The following NEK7 variants were observed in gnomAD, a reference collection of about 807,000 sequenced individuals.
NEK7 encodes the protein serine/threonine-protein kinase Nek7.
A neutral mutation model predicts 44.6 loss-of-function variants in NEK7; 18 were observed. The observed-to-expected ratio is 0.40, with a 90% CI of 0.28 to 0.60. The LOEUF is 0.60. NEK7 is among the 20% of genes least tolerant of loss of function. The probability of loss-of-function intolerance (pLI) is 0.38; values close to 1 mark genes in which losing one functional copy is unlikely to be tolerated. For synonymous variants in NEK7, 130 were observed against 121.1 expected, an observed-to-expected ratio of 1.07 and a Z score of -0.48; for missense variants, 256 against 366.5, an observed-to-expected ratio of 0.70 and a Z score of 2.46.
intron 1 of NEK7, among the ~76,000 whole-genome samples, chr1:198,165,157 C>G (rs1310623195): frequency 6.6e-6 from 1 of 152,228 alleles, no homozygotes; most frequent in African/African-American, 2.4e-5. Context: ...TGACTTCCTT[C>G]ACTGAAATCT....
chr1:198,170,736 C>T (rs1664411636), intron 1 of NEK7, among the ~76,000 whole-genome samples: 1 of 152,078 alleles, frequency 6.6e-6, no homozygotes. Flanking sequence ...AATGATTGAA[C>T]CTCTTTTCTC....
Position 198,253,105 on chromosome 1 carries a change from T to G in NEK7, c.123T>G (p.Gly41=), listed in dbSNP as rs1271180487. The part of the protein sequence containing the change: ...LANFRIEKKI[G]RGQFSEVYRA... ...ACTTTCGAATAGAAAAGAAAATTGGTCGCGGACAATTTAGTGAAGTTTATA... is the reference window on the plus strand; with the variant it reads ...ACTTTCGAATAGAAAAGAAAATTGGGCGCGGACAATTTAGTGAAGTTTATA... The change falls in exon 3 of 10, where the codon GGT becomes GGG. Residue 41 remains glycine (G), a synonymous_variant. Coordinates refer to ENST00000367385, the MANE Select transcript of NEK7 (RefSeq NM_133494.3). The G allele has an allele frequency of 2.5e-6, 4 of 1,611,642 alleles. No homozygotes were observed.
chr1:198,222,611 C>T (rs1666102410), intron 1 of NEK7, among the ~76,000 whole-genome samples: 2 of 152,122 alleles, frequency 1.3e-5, no homozygotes. Flanking sequence ...TAATCAGTCA[C>T]AAGTCCTAAA....
chr1:198,163,065 TAACA>T (rs1022668246), intron 1 of NEK7, among the ~76,000 whole-genome samples: 8 of 152,332 alleles, frequency 5.3e-5, no homozygotes, highest in African/African-American at 1.9e-4. Flanking sequence ...GTTATAATCA[TAACA>T]AAGACATATG....
intron 9 of NEK7, among the ~76,000 whole-genome samples, chr1:198,316,028 G>A (rs1451568120): frequency 6.6e-6 from 1 of 152,114 alleles, no homozygotes; most frequent in African/African-American, 2.4e-5. Context: ...AATATTTAGG[G>A]CATACCAACA....
chr1:198,178,990 A>T (rs1360663548), intron 1 of NEK7, among the ~76,000 whole-genome samples: 2 of 144,948 alleles, frequency 1.4e-5, no homozygotes, highest in Admixed American at 1.4e-4. Flanking sequence ...ACCATTTGAT[A>T]CCCCCCCCCT....
At chr1:198,176,516 T>C (rs1173738568) in intron 1 of NEK7, among the ~76,000 whole-genome samples, 2 of 151,864 alleles carry the variant, frequency 1.3e-5, no homozygotes, top group Non-Finnish European at 2.9e-5. Flanking sequence ...AGGAGTGAGG[T>C]TGAGGAGATT....
chr1:198,268,608 GAAAC>G (rs1172498570), intron 5 of NEK7, among the ~76,000 whole-genome samples: 1 of 151,986 alleles, frequency 6.6e-6, no homozygotes, highest in African/African-American at 2.4e-5. Context: ...AGAAGGGAGA[GAAAC>G]AAAGAAAAAA....
rs1663920413 is a variant in NEK7 at position 198,157,278 on chromosome 1, T to A, written c.-29+2T>A. On this transcript the variant is annotated splice_donor_variant, in intron 1 of 9. Transcript: ENST00000367385. LOFTEE classifies it low-confidence loss of function (5UTR_SPLICE). The stretch of plus-strand genomic sequence containing the variant: ...GAACGGAAAACTCCCAACTTCCTGG[T>A]GAGTCGCTGCCCAGGGTTCAGGCGC... The A allele has an allele frequency of 6.6e-6, 1 of 151,848 alleles. No homozygotes were observed. The highest frequency in any genetic ancestry group is 2.4e-5 in the African/African-American group (1 of 41,338). The allele number at this position is 151,848 out of a possible 1,614,324, so 9.4% of individuals were successfully genotyped here. A position where few individuals can be genotyped will look rare whatever the true frequency, so the allele number is the denominator to read the frequency against.
At chr1:198,177,456 T>G (rs1208496388) in intron 1 of NEK7, among the ~76,000 whole-genome samples, 1 of 152,130 alleles carries the variant, frequency 6.6e-6, no homozygotes, top group African/African-American at 2.4e-5. Flanking sequence ...TTTTTTTATT[T>G]TCAACGTTCA....
intron 2 of NEK7, 140 bp downstream of exon 2, chr1:198,232,777 ATTTTT>A: frequency 5.2e-6 from 2 of 387,398 alleles, no homozygotes; most frequent in Admixed American, 4.5e-5. Flanking sequence ...TTTAATCAGC[ATTTTT>A]TTTTTTTTTG....
intron 9 of NEK7, among the ~76,000 whole-genome samples, chr1:198,309,908 G>A (rs1655124379): frequency 6.6e-6 from 1 of 152,144 alleles, no homozygotes; most frequent in Admixed American, 6.5e-5. Context: ...AAACATAAGT[G>A]TGCATGTGTC....
rs1666307341 is a variant in NEK7, at chr1:198,228,928, G to A, written c.-28-3625G>A. Among the ~76,000 whole-genome samples the A allele has an allele frequency of 2.0e-5, 3 of 152,270 alleles. No homozygotes were observed. In the South Asian group the frequency reaches 6.2e-4, roughly 32 times the overall value. ...TGTGGAATAGGAGTGGTGAGAGAGG[G>A]CATCCCTGTCTTGTGCCCGTTTTCA... On this transcript the variant is annotated intron_variant, in intron 1 of 9. Coordinates refer to ENST00000367385, the MANE Select transcript of NEK7 (RefSeq NM_133494.3).
At chr1:198,202,447 T>C (rs1665459678) in intron 1 of NEK7, among the ~76,000 whole-genome samples, 1 of 152,230 alleles carries the variant, frequency 6.6e-6, no homozygotes. Context: ...CCTCTAATGC[T>C]GTATGCACAG....
chr1:198,222,899 C>T (rs1243346764), intron 1 of NEK7, among the ~76,000 whole-genome samples: 1 of 151,882 alleles, frequency 6.6e-6, no homozygotes, highest in African/African-American at 2.4e-5. Flanking sequence ...TGGATGGGGG[C>T]CGCACACTAC....
intron 5 of NEK7, chr1:198,277,644 T>C (rs1430247949): frequency 1.7e-5 from 3 of 179,182 alleles, no homozygotes; most frequent in East Asian, 3.0e-4. Flanking sequence ...ATTCTGGCTC[T>C]TCTTAAAATC....
At chr1:198,231,981 T>C (rs918754540) in intron 1 of NEK7, among the ~76,000 whole-genome samples, 28 of 152,100 alleles carry the variant, frequency 1.8e-4, no homozygotes, top group Non-Finnish European at 3.8e-4. Context: ...TTTTTGAGTC[T>C]TGTGCAATGC....
chr1:198,307,097 C>T (rs1201509682), intron 9 of NEK7, among the ~76,000 whole-genome samples: 2 of 152,060 alleles, frequency 1.3e-5, no homozygotes, highest in African/African-American at 4.8e-5. Flanking sequence ...AACAGACTTG[C>T]TGTGATTGAG....
chr1:198,286,422 C>CTT lies in NEK7; in HGVS notation c.590-6509_590-6508dup, dbSNP rs34104462. Among the ~76,000 whole-genome samples the CTT allele has an allele frequency of 5.5e-3, 788 of 142,954 alleles. 8 individuals are homozygous for CTT. Among genetic ancestry groups the CTT allele is most frequent in the Admixed American group, 0.03 (435 of 14,318 alleles). The allele number at this position is 142,954 out of a possible 152,430, so 93.8% of individuals were successfully genotyped here. On this transcript the variant is annotated intron_variant, in intron 7 of 9. Transcript: ENST00000367385. ...ATCCAGTGAGCTTTTAGAGGTCACACTTTTTTTTTTTTTTTGAACCATATG... is the reference window on the plus strand; with the variant it reads ...ATCCAGTGAGCTTTTAGAGGTCACACTTTTTTTTTTTTTTTTTGAACCATATG...
Sources: gnomAD v4.1 joint callset for allele counts (sites outside exome capture counted in the v4.1 genomes callset) on GRCh38, gnomAD v4.1.1 for gene constraint, MANE v1.5 for transcripts, NCBI Gene and HGNC (gene_info 2026-07-23, HGNC 2026-07-21) for gene names.